DAG1: variants seen among roughly 807,000 people sequenced by gnomAD.
DAG1 encodes the protein dystroglycan 1.
In DAG1, 8 loss-of-function variants were observed where a neutral mutation model predicts 46.1. That is an observed-to-expected ratio of 0.17 (90% CI 0.10 to 0.31). The LOEUF is 0.31. Among genes scored for constraint, DAG1 ranks in the 10% least tolerant of loss-of-function variants. The pLI is 1.00. For synonymous variants in DAG1, 495 were observed against 481.8 expected (o/e 1.03, Z -0.36); for missense variants, 1,003 against 1,189.9 (o/e 0.84, Z 2.31).
chr3:49,505,667 T>C (rs1439620793), intron 1 of DAG1, among the ~76,000 whole-genome samples: 1 of 152,154 alleles, frequency 6.6e-6, no homozygotes, highest in Non-Finnish European at 1.5e-5. Flanking sequence ...TTTTCCAATC[T>C]GTATGCCAAA....
chr3:49,519,505 A>G (rs1014703446), intron 2 of DAG1, among the ~76,000 whole-genome samples: 3 of 152,088 alleles, frequency 2.0e-5, no homozygotes, highest in Non-Finnish European at 4.4e-5. Flanking sequence ...TGAAAGGAGC[A>G]TTTCTTTGGA....
intron 1 of DAG1, among the ~76,000 whole-genome samples, chr3:49,482,893 T>A (rs1233044686): frequency 6.6e-6 from 1 of 152,156 alleles, no homozygotes; most frequent in African/African-American, 2.4e-5. Context: ...GGAGATTTAC[T>A]TAAGATTCCC....
chr3:49,529,200 T>C (rs4855854), intron 2 of DAG1, among the ~76,000 whole-genome samples: 1 of 150,812 alleles, frequency 6.6e-6, no homozygotes, highest in South Asian at 2.1e-4. Context: ...TTAAAAAAAA[T>C]TTTTTTTTTG....
rs753297335 is a variant in DAG1, at chr3:49,532,101, C to T, written c.1590C>T (p.Thr530=). 3 of 1,614,206 alleles carry T rather than the reference C, an allele frequency of 1.9e-6. No homozygotes were observed. The highest frequency in any genetic ancestry group is 2.5e-6 in the Non-Finnish European group (3 of 1,180,032). Residue 530 remains threonine (T), a synonymous_variant, in exon 3 of 3, where the codon ACC becomes ACT. Transcript: ENST00000308775. The surrounding 1 kb of genome is among the most constrained non-coding windows in gnomAD (Gnocchi z 5.4). The part of the protein sequence containing the change: ...SDTFYDHEDT[T]TDKLKLTLKL... The stretch of plus-strand genomic sequence containing the variant: ...CTTTCTATGACCATGAGGACACCAC[C>T]ACTGACAAGCTGAAGCTGACCCTGA...
chr3:49,498,514 C>G (rs2050370307), intron 1 of DAG1, among the ~76,000 whole-genome samples: 1 of 151,872 alleles, frequency 6.6e-6, no homozygotes, highest in Admixed American at 6.6e-5. Context: ...ACTGGTTAAC[C>G]TTTCAGAAAC....
At chr3:49,473,827 G>A (rs2049597281) in intron 1 of DAG1, among the ~76,000 whole-genome samples, 2 of 151,094 alleles carry the variant, frequency 1.3e-5, no homozygotes, top group South Asian at 4.2e-4. Context: ...CAGGTGATCC[G>A]CCCGCGTCAG....
In DAG1 at chr3:49,501,603, G is replaced by A. The variant is rs993804648; in HGVS notation, c.-116-8816G>A. Among the ~76,000 whole-genome samples, 16 of 152,086 alleles carry A rather than the reference G, an allele frequency of 1.1e-4. No homozygotes were observed. In the East Asian group the frequency reaches 3.1e-3, roughly 29 times the overall value. On this transcript the variant is annotated intron_variant, in intron 1 of 2. Transcript: ENST00000308775. Reference sequence around the variant, plus strand: ...GAGGTGGGCAGATCACCCGAGGTCAGGAGTTCAAGACCAGCCTGGCCAACA... The same window carrying A: ...GAGGTGGGCAGATCACCCGAGGTCAAGAGTTCAAGACCAGCCTGGCCAACA...
chr3:49,508,590 G>T (rs531632310), intron 1 of DAG1, among the ~76,000 whole-genome samples: 1 of 152,214 alleles, frequency 6.6e-6, no homozygotes, highest in African/African-American at 2.4e-5. Context: ...AGTAGAGACG[G>T]GGTTTCACCA....
intron 1 of DAG1, among the ~76,000 whole-genome samples, chr3:49,500,374 G>A (rs909748271): frequency 7.2e-5 from 11 of 152,116 alleles, no homozygotes; most frequent in African/African-American, 2.7e-4. Context: ...GAGGAAGGGA[G>A]TGCCTGGTCA....
chr3:49,527,368 C>T (rs967972448), intron 2 of DAG1, among the ~76,000 whole-genome samples: 1 of 151,954 alleles, frequency 6.6e-6, no homozygotes, highest in African/African-American at 2.4e-5. Context: ...ACTAAAAATA[C>T]AAAAAATTAG....
At chr3:49,530,678 C>T in intron 2 of DAG1, 119 bp from the exon 3 acceptor site, 1 of 1,437,474 alleles carries the variant, frequency 7.0e-7, no homozygotes, top group Non-Finnish European at 9.6e-7. Context: ...ATCAGCTTCC[C>T]CAGCAGGCAT....
intron 1 of DAG1, among the ~76,000 whole-genome samples, chr3:49,472,069 G>T (rs1266202784): frequency 1.3e-5 from 2 of 152,158 alleles, no homozygotes; most frequent in Non-Finnish European, 2.9e-5. Context: ...GGCCTGCCTT[G>T]TGCTCAGGAG....
chr3:49,499,697 T>TC (rs1451741680), intron 1 of DAG1, among the ~76,000 whole-genome samples: 3 of 152,136 alleles, frequency 2.0e-5, no homozygotes, highest in Non-Finnish European at 4.4e-5. Context: ...TCCCCTTTCC[T>TC]CCCACCAAGC....
At chr3:49,508,248 C>T (rs1165743062) in intron 1 of DAG1, among the ~76,000 whole-genome samples, 1 of 141,638 alleles carries the variant, frequency 7.1e-6, no homozygotes, top group Non-Finnish European at 1.5e-5. Context: ...GTTGCCCAAG[C>T]TGGAATGCAA....
intron 1 of DAG1, among the ~76,000 whole-genome samples, chr3:49,473,057 G>A (rs1467200784): frequency 5.4e-5 from 8 of 148,818 alleles, no homozygotes; most frequent in African/African-American, 2.0e-4. Flanking sequence ...GGAGGCGGAG[G>A]TTGCAGTGAG....
intron 2 of DAG1, among the ~76,000 whole-genome samples, chr3:49,528,768 C>G (rs1224147890): frequency 2.0e-5 from 3 of 151,612 alleles, no homozygotes; most frequent in East Asian, 3.9e-4. Context: ...AATGTGGTAT[C>G]ACAAAAGAAA....
intron 2 of DAG1, among the ~76,000 whole-genome samples, chr3:49,526,568 T>G (rs985224266): frequency 6.6e-6 from 1 of 151,610 alleles, no homozygotes; most frequent in Admixed American, 6.6e-5. Context: ...AAAAAAAAAA[T>G]TAGCCGGGCA....
chr3:49,533,233 A>G lies in DAG1; in HGVS notation c.*34A>G. On this transcript the variant is annotated 3_prime_UTR_variant, in exon 3 of 3. Coordinates refer to ENST00000308775, the MANE Select transcript of DAG1 (RefSeq NM_004393.6). ...CGCCTGGGTGGAGGCAGGGTAGGGC[A>G]GGGGCCTGGAGACGACATGGTGTTG... is the stretch of plus-strand genomic sequence containing the variant. 1.9e-6 allele frequency: 3 copies of G among 1,605,104 alleles called. No homozygotes were observed. The highest frequency in any genetic ancestry group is 2.5e-6 in the Non-Finnish European group (3 of 1,179,742).
rs148556570 is a variant in DAG1, at chr3:49,531,944, C to A, written c.1433C>A (p.Thr478Asn). ...AGATTGGAAACTGCCTCACCGCCTA[C>A]TCGTATTCGCACCACCACCAGTGGA... ...ITRLETASPP[T>N]RIRTTTSGVP... is the part of the protein sequence containing the mutation. The change falls in exon 3 of 3, where the codon ACT becomes AAT. Residue 478 changes from threonine to asparagine, a missense_variant. Thr to Asn is a moderately conservative substitution (Grantham distance 65, BLOSUM62 0). Transcript: ENST00000308775. This position sits in a 1 kb window ranked among gnomAD's most constrained non-coding sequence, Gnocchi z 7.0. 6.2e-7 allele frequency: 1 copy of A among 1,614,228 alleles called. No homozygotes were observed. The highest frequency in any genetic ancestry group is 8.5e-7 in the Non-Finnish European group (1 of 1,180,038).
Sources: allele counts gnomAD v4.1 joint callset (sites outside exome capture counted in the v4.1 genomes callset), GRCh38; gene constraint gnomAD v4.1.1; non-coding constraint Gnocchi (gnomAD v3.1); transcripts MANE v1.5; gene names NCBI Gene and HGNC (gene_info 2026-07-23, HGNC 2026-07-21).